PRTFDC1: variants seen among roughly 807,000 people sequenced by gnomAD.
PRTFDC1 encodes phosphoribosyl transferase domain containing 1, also known as phosphoribosyltransferase domain-containing protein 1.
A neutral mutation model predicts 34.6 loss-of-function variants in PRTFDC1; 38 were observed. The ratio of observed to expected loss-of-function variants is 1.10; its 90% CI spans 0.85 to 1.44. The LOEUF (loss-of-function observed/expected upper bound fraction) is 1.44. Ranked by LOEUF, PRTFDC1 falls within the 40% of genes most tolerant of loss-of-function variation. The pLI is 0.00. For synonymous variants in PRTFDC1, 93 were observed against 98.1 expected (o/e 0.95, Z 0.31); for missense variants, 270 against 283.0 (o/e 0.95, Z 0.33).
chr10:24,904,112 GCTAA>G (rs1848494432), intron 3 of PRTFDC1, among the ~76,000 whole-genome samples: 2 of 151,924 alleles, frequency 1.3e-5, no homozygotes, highest in Admixed American at 6.6e-5. Flanking sequence ...CTTTCTTTGG[GCTAA>G]CTAAACTGTA....
intron 1 of PRTFDC1, among the ~76,000 whole-genome samples, chr10:24,947,848 T>C (rs1441505545): frequency 6.6e-6 from 1 of 151,994 alleles, no homozygotes; most frequent in East Asian, 1.9e-4. Context: ...AATTCTGGGA[T>C]TCCTGTCCTA....
intron 3 of PRTFDC1, among the ~76,000 whole-genome samples, chr10:24,883,376 G>A (rs147100041): frequency 1.3e-4 from 20 of 152,086 alleles, no homozygotes; most frequent in Non-Finnish European, 2.1e-4. Flanking sequence ...AGAGAAAGGC[G>A]CTTTTCTTTA....
At chr10:24,899,560 A>G (rs1227779199) in intron 3 of PRTFDC1, among the ~76,000 whole-genome samples, 2 of 152,112 alleles carry the variant, frequency 1.3e-5, no homozygotes, top group East Asian at 3.9e-4. Context: ...GGAAATAACA[A>G]TTTACCCATT....
intron 3 of PRTFDC1, among the ~76,000 whole-genome samples, chr10:24,876,328 A>G (rs896328499): frequency 6.6e-6 from 1 of 152,120 alleles, no homozygotes; most frequent in South Asian, 2.1e-4. Context: ...GAATTAATGC[A>G]TGTGGAACAT....
intron 3 of PRTFDC1, among the ~76,000 whole-genome samples, chr10:24,896,248 T>C (rs1445331995): frequency 6.6e-6 from 1 of 152,208 alleles, no homozygotes; most frequent in African/African-American, 2.4e-5. Flanking sequence ...CATGAGATTC[T>C]CATAGGATCA....
chr10:24,927,474 G>C (rs929388139), intron 3 of PRTFDC1, among the ~76,000 whole-genome samples: 1 of 152,044 alleles, frequency 6.6e-6, no homozygotes, highest in African/African-American at 2.4e-5. Flanking sequence ...AAAATGTTTT[G>C]AGGATGTTAA....
rs927091678 is a variant in PRTFDC1, at chr10:24,858,514, G to A, written c.406-105C>T. 53 of 1,151,920 alleles carry A rather than the reference G, an allele frequency of 4.6e-5. No homozygotes were observed. The East Asian group carries it at 6.9e-4, about 15-fold the overall frequency. The allele number at this position is 1,151,920 out of a possible 1,614,324, so 71.4% of individuals were successfully genotyped here. ...TTAGAATTTCACAATTTACTTAGAC[G>A]GTCCTTCCCCATCCATCTAATTCAA... On this transcript the variant is annotated intron_variant, in intron 4 of 8. Coordinates refer to ENST00000320152, the MANE Select transcript of PRTFDC1 (RefSeq NM_020200.7).
intron 6 of PRTFDC1, among the ~76,000 whole-genome samples, chr10:24,856,664 C>T (rs1847582494): frequency 6.6e-6 from 1 of 152,180 alleles, no homozygotes; most frequent in African/African-American, 2.4e-5. Context: ...CCAGCTGCTC[C>T]TGGAAACAGC....
At chr10:24,938,895 C>T (rs1483732473) in intron 2 of PRTFDC1, among the ~76,000 whole-genome samples, 1 of 152,118 alleles carries the variant, frequency 6.6e-6, no homozygotes, top group Non-Finnish European at 1.5e-5. Flanking sequence ...CCCCACACAC[C>T]CCCATCAGCA....
chr10:24,873,024 C>T (rs1335893254), intron 3 of PRTFDC1, among the ~76,000 whole-genome samples: 4 of 151,560 alleles, frequency 2.6e-5, no homozygotes, highest in African/African-American at 7.3e-5. Context: ...AAAAGTCTTG[C>T]TATGTTGTCC....
intron 3 of PRTFDC1, among the ~76,000 whole-genome samples, chr10:24,921,951 C>G (rs1336708842): frequency 2.6e-5 from 4 of 152,128 alleles, no homozygotes; most frequent in Admixed American, 1.3e-4. Flanking sequence ...TAAACTCAAA[C>G]TTTATTATAG....
intron 3 of PRTFDC1, among the ~76,000 whole-genome samples, chr10:24,893,320 G>A (rs1302751741): frequency 1.3e-5 from 2 of 151,462 alleles, no homozygotes; most frequent in Non-Finnish European, 2.9e-5. Context: ...GCAGGGTCTT[G>A]TTCTGTTGCC....
intron 3 of PRTFDC1, among the ~76,000 whole-genome samples, chr10:24,916,335 C>T (rs1848695237): frequency 6.6e-6 from 1 of 152,196 alleles, no homozygotes; most frequent in Admixed American, 6.6e-5. Flanking sequence ...CTCAGCACCA[C>T]ACACAGACTT....
chr10:24,905,935 A>G (rs531460099), intron 3 of PRTFDC1, among the ~76,000 whole-genome samples: 1 of 151,190 alleles, frequency 6.6e-6, no homozygotes, highest in South Asian at 2.1e-4. Flanking sequence ...CCATCCTTCT[A>G]CTCTCTATCT....
chr10:24,934,606 A>G (rs766239825), intron 3 of PRTFDC1, among the ~76,000 whole-genome samples: 8 of 152,172 alleles, frequency 5.3e-5, no homozygotes, highest in Non-Finnish European at 1.0e-4. Flanking sequence ...ATTCCTTTCT[A>G]TTGATAATAA....
At chr10:24,867,326 T>G (rs1847797287) in intron 4 of PRTFDC1, among the ~76,000 whole-genome samples, 1 of 152,194 alleles carries the variant, frequency 6.6e-6, no homozygotes, top group Admixed American at 6.5e-5. Context: ...ACTTGGCTCC[T>G]GTAGTTCAAG....
intron 3 of PRTFDC1, among the ~76,000 whole-genome samples, chr10:24,930,565 T>A (rs1848955261): frequency 6.6e-6 from 1 of 152,188 alleles, no homozygotes; most frequent in Non-Finnish European, 1.5e-5. Flanking sequence ...TGGTCAAATG[T>A]TCTTCCTTTT....
rs190675104 is a variant in PRTFDC1 at position 24,891,950 on chromosome 10, C to T, written c.340-19887G>A. Among the ~76,000 whole-genome samples, 75 of 152,312 alleles carry T rather than the reference C, an allele frequency of 4.9e-4. No homozygotes were observed. The East Asian group carries it at 9.3e-3, about 19-fold the overall frequency. ...CCTCCCCCAGGTTTGTCTGTGTTGTCACAAATGACAAGATTTCATTATTTT... is the reference window on the plus strand; with the variant it reads ...CCTCCCCCAGGTTTGTCTGTGTTGTTACAAATGACAAGATTTCATTATTTT... On this transcript the variant is annotated intron_variant, in intron 3 of 8. Transcript: ENST00000320152.
At chr10:24,891,700 G>A (rs981704505) in intron 3 of PRTFDC1, among the ~76,000 whole-genome samples, 2 of 152,160 alleles carry the variant, frequency 1.3e-5, no homozygotes, top group African/African-American at 4.8e-5. Flanking sequence ...CCAGGAGGCT[G>A]CAGTGAGCTG....
Sources: gnomAD v4.1 joint callset for allele counts (sites outside exome capture counted in the v4.1 genomes callset) on GRCh38, gnomAD v4.1.1 for gene constraint, MANE v1.5 for transcripts, NCBI Gene and HGNC (gene_info 2026-07-23, HGNC 2026-07-21) for gene names.